LAMA3: variants seen among roughly 807,000 people sequenced by gnomAD.
The protein encoded by LAMA3 is laminin subunit alpha-3.
A neutral mutation model predicts 402.0 loss-of-function variants in LAMA3; 281 were observed. The ratio of observed to expected loss-of-function variants is 0.70; its 90% CI spans 0.63 to 0.77. The LOEUF is 0.77. LAMA3 is among the 30% of genes least tolerant of loss of function. The pLI, the probability that LAMA3 is intolerant of heterozygous loss-of-function variation, is 0.00. For synonymous variants in LAMA3, 1,431 were observed against 1,558.4 expected, an observed-to-expected ratio of 0.92 and a Z score of 1.93; for missense variants, 3,840 against 4,215.5, an observed-to-expected ratio of 0.91 and a Z score of 2.47.
intron 13 of LAMA3, among the ~76,000 whole-genome samples, chr18:23,812,833 A>G (rs1220959561): frequency 6.6e-6 from 1 of 152,220 alleles, no homozygotes; most frequent in Non-Finnish European, 1.5e-5. Flanking sequence ...AGTAGACAGG[A>G]TAGGGATTTG....
intron 11 of LAMA3, among the ~76,000 whole-genome samples, chr18:23,779,957 T>C (rs1244503924): frequency 6.6e-6 from 1 of 152,168 alleles, no homozygotes; most frequent in African/African-American, 2.4e-5. Flanking sequence ...ACTGGGCCAC[T>C]TGAGGACAGC....
At chr18:23,815,137 A>C in intron 15 of LAMA3, 51 bp from the exon 16 acceptor site, 1 of 1,527,402 alleles carries the variant, frequency 6.5e-7, no homozygotes, top group East Asian at 2.2e-5. Flanking sequence ...CAGAGCCAGG[A>C]ACTGTCTTTT....
intron 32 of LAMA3, among the ~76,000 whole-genome samples, chr18:23,854,565 C>T (rs185253914): frequency 2.3e-3 from 354 of 151,488 alleles, no homozygotes; most frequent in Non-Finnish European, 3.6e-3. Context: ...GGCGTGAACC[C>T]GGGAGGCGGA....
chr18:23,914,989 G>C lies in LAMA3; in HGVS notation c.7644+129G>C, dbSNP rs930839924. 3 of 813,416 alleles carry C rather than the reference G, an allele frequency of 3.7e-6. No individual in the cohort carries two copies. In the African/African-American group the frequency reaches 5.1e-5, roughly 14 times the overall value. 50.4% of individuals were successfully genotyped at this position (813,416 alleles called of 1,614,324 possible). A position where few individuals can be genotyped will look rare whatever the true frequency, so the allele number is the denominator to read the frequency against. ...CCGCACATTCTTACAGCACATTCTAGAGATACTAGCTAACACTTATTGAGT... is the reference window on the plus strand; with the variant it reads ...CCGCACATTCTTACAGCACATTCTACAGATACTAGCTAACACTTATTGAGT... On this transcript the variant is annotated intron_variant, in intron 58 of 74. Coordinates refer to ENST00000313654, the MANE Select transcript of LAMA3 (RefSeq NM_198129.4).
intron 12 of LAMA3, among the ~76,000 whole-genome samples, chr18:23,787,108 C>T (rs1156847336): frequency 6.6e-6 from 1 of 152,094 alleles, no homozygotes; most frequent in East Asian, 1.9e-4. Flanking sequence ...ATGGTGAAAC[C>T]CCGTCTCTAC....
At chr18:23,894,612 T>C (rs2080809874) in intron 43 of LAMA3, among the ~76,000 whole-genome samples, 1 of 152,224 alleles carries the variant, frequency 6.6e-6, no homozygotes, top group Non-Finnish European at 1.5e-5. Context: ...TGCTTGTAAA[T>C]GTCTTATCAC....
intron 29 of LAMA3, among the ~76,000 whole-genome samples, chr18:23,843,476 G>T (rs186362882): frequency 6.6e-6 from 1 of 152,062 alleles, no homozygotes; most frequent in Non-Finnish European, 1.5e-5. Flanking sequence ...TTTCTCTGCC[G>T]TGCCTCCTGG....
At position 23,922,955 on chromosome 18, in the gene LAMA3, G is replaced by A. The variant is rs72875908; in HGVS notation, c.8177+1370G>A. Among the ~76,000 whole-genome samples the A allele has an allele frequency of 9.0e-3, 1,365 of 152,278 alleles. 11 individuals are homozygous for A. The highest frequency in any genetic ancestry group is 0.071 in the Middle Eastern group (21 of 294). Reference sequence around the variant, plus strand: ...GACAGTCACTACAGGAGAACATGACGTGTGCCATAGGAGGAAGCTCAGGGT... The same window carrying A: ...GACAGTCACTACAGGAGAACATGACATGTGCCATAGGAGGAAGCTCAGGGT... On this transcript the variant is annotated intron_variant, in intron 62 of 74. Coordinates refer to ENST00000313654, the MANE Select transcript of LAMA3 (RefSeq NM_198129.4).
chr18:23,778,613 C>A (rs1025983206), intron 11 of LAMA3, among the ~76,000 whole-genome samples: 1 of 152,170 alleles, frequency 6.6e-6, no homozygotes, highest in Non-Finnish European at 1.5e-5. Flanking sequence ...GAAGGGCACG[C>A]CTGCACCAAA....
At chr18:23,896,704 G>A (rs767875226) in intron 44 of LAMA3, among the ~76,000 whole-genome samples, 3 of 152,200 alleles carry the variant, frequency 2.0e-5, no homozygotes, top group African/African-American at 7.2e-5. Context: ...CCACATGAGA[G>A]CCTAGCAAAG....
At chr18:23,806,927 A>G (rs2062973154) in intron 12 of LAMA3, among the ~76,000 whole-genome samples, 1 of 152,230 alleles carries the variant, frequency 6.6e-6, no homozygotes, top group Admixed American at 6.5e-5. Context: ...GCAACCAGCC[A>G]AGTTCATTAT....
intron 12 of LAMA3, among the ~76,000 whole-genome samples, chr18:23,805,687 A>G (rs1239123242): frequency 6.6e-6 from 1 of 152,198 alleles, no homozygotes; most frequent in Non-Finnish European, 1.5e-5. Context: ...CCACAGTGAC[A>G]TTTTGGGTCT....
intron 54 of LAMA3, 133 bp downstream of exon 54, chr18:23,908,068 A>G: frequency 1.2e-6 from 1 of 844,950 alleles, no homozygotes; most frequent in Non-Finnish European, 2.0e-6. Context: ...CACCTGATAC[A>G]GGATATATTC....
chr18:23,714,035 A>G lies in LAMA3; in HGVS notation c.410A>G (p.Gln137Arg), dbSNP rs368091225. The stretch of plus-strand genomic sequence containing the variant: ...AGCCCTCCCCTGTCCTCAGGCACAC[A>G]GTACAACAGAGTCAACCTCACCTTG... Reference protein sequence around the residue: ...WQSPPLSSGTQYNRVNLTLDL... With the variant: ...WQSPPLSSGTRYNRVNLTLDL... Residue 137 changes from glutamine (Q) to arginine (R), a missense_variant, in exon 2 of 75, where the codon CAG becomes CGG. Gln to Arg is a conservative substitution (Grantham distance 43). Transcript: ENST00000313654. 9.9e-6 allele frequency: 16 copies of G among 1,613,984 alleles called. No individual in the cohort carries two copies. The African/African-American group carries it at 1.7e-4, about 18-fold the overall frequency.
intron 21 of LAMA3, among the ~76,000 whole-genome samples, chr18:23,825,371 G>T (rs763833376): frequency 6.6e-6 from 1 of 152,188 alleles, no homozygotes; most frequent in Non-Finnish European, 1.5e-5. Context: ...TTGATTTCAT[G>T]CTCTCAAGTG....
intron 18 of LAMA3, among the ~76,000 whole-genome samples, chr18:23,819,576 G>A (rs546874041): frequency 1.3e-5 from 2 of 152,232 alleles, no homozygotes; most frequent in Admixed American, 1.3e-4. Context: ...ACATACTAAA[G>A]GATGCTACCA....
chr18:23,794,880 G>A (rs568573784), intron 12 of LAMA3, among the ~76,000 whole-genome samples: 5 of 152,068 alleles, frequency 3.3e-5, no homozygotes, highest in South Asian at 2.1e-4. Flanking sequence ...TTATATAAAC[G>A]TAGATTTCTT....
chr18:23,840,234 A>C (rs528745404), intron 27 of LAMA3, among the ~76,000 whole-genome samples: 1 of 152,222 alleles, frequency 6.6e-6, no homozygotes, highest in African/African-American at 2.4e-5. Context: ...TTTGTCCACT[A>C]GATATTTGGC....
chr18:23,944,906 G>A (rs764045351), intron 69 of LAMA3, among the ~76,000 whole-genome samples: 7 of 152,310 alleles, frequency 4.6e-5, no homozygotes, highest in East Asian at 1.9e-4. Context: ...AGGCCAAGGC[G>A]GGCTGATCAC....
Sources: gnomAD v4.1 joint callset for allele counts (sites outside exome capture counted in the v4.1 genomes callset) on GRCh38, gnomAD v4.1.1 for gene constraint, MANE v1.5 for transcripts, NCBI Gene and HGNC (gene_info 2026-07-23, HGNC 2026-07-21) for gene names.